Variants in CCDC73 observed in about 807,000 individuals in gnomAD.
The protein encoded by CCDC73 is coiled-coil domain-containing protein 73.
CCDC73 carries 95 observed loss-of-function variants against 116.5 expected under a neutral mutation model. The observed-to-expected ratio is 0.82, with a 90% CI of 0.69 to 0.97. The LOEUF (loss-of-function observed/expected upper bound fraction) is 0.97, where lower values mean the gene tolerates loss of function less well. Ranked by LOEUF, CCDC73 falls within the 50% of genes least tolerant of loss-of-function variation. The probability of loss-of-function intolerance (pLI) is 0.00; values close to 1 mark genes in which losing one functional copy is unlikely to be tolerated. For synonymous variants in CCDC73, 398 were observed against 401.3 expected, an observed-to-expected ratio of 0.99 and a Z score of 0.10; for missense variants, 1,066 against 1,206.8, an observed-to-expected ratio of 0.88 and a Z score of 1.73.
At chr11:32,818,497 A>G in the CCDC73 span, among the ~76,000 whole-genome samples, 6 of 152,226 alleles carry the variant, frequency 3.9e-5, no homozygotes, top group African/African-American at 1.4e-4. Context: ...AAAATGTTAC[A>G]TATTTCTCAA....
the CCDC73 span, among the ~76,000 whole-genome samples, chr11:32,815,465 G>A: frequency 1.1e-4 from 16 of 149,964 alleles, no homozygotes; most frequent in African/African-American, 2.7e-4. Flanking sequence ...CTCCCAAAGC[G>A]CTGGGATTTA....
Position 32,614,393 on chromosome 11 carries a change from C to G in CCDC73, c.1925G>C (p.Cys642Ser), listed in dbSNP as rs772666220. Residue 642 changes from cysteine (C) to serine (S), a missense_variant, in exon 16 of 18, where the codon TGT becomes TCT. Coordinates refer to ENST00000335185, the MANE Select transcript of CCDC73 (RefSeq NM_001008391.4). ...TGAATTCCGTAAACTATATTTCTGA[C>G]ATGGAACAGGATTTTTTTTTATATC... is the stretch of plus-strand genomic sequence containing the variant. Reference protein sequence around the residue: ...SLDIKKNPVPCQKYSLRNSSN... With the variant: ...SLDIKKNPVPSQKYSLRNSSN... 6.2e-7 allele frequency: 1 copy of G among 1,613,164 alleles called. No individual in the cohort carries two copies. The highest frequency in any genetic ancestry group is 1.1e-5 in the South Asian group (1 of 91,052).
intron 14 of CCDC73, among the ~76,000 whole-genome samples, chr11:32,631,776 G>T (rs1855633691): frequency 6.6e-6 from 1 of 152,216 alleles, no homozygotes; most frequent in Admixed American, 6.5e-5. Context: ...GATTGAGGCT[G>T]CAGTGAGGTG....
At chr11:32,754,695 C>A (rs916474772) in intron 2 of CCDC73, among the ~76,000 whole-genome samples, 9 of 152,148 alleles carry the variant, frequency 5.9e-5, no homozygotes, top group Admixed American at 2.6e-4. Flanking sequence ...TCAACAAAAT[C>A]TCTTTAAAAT....
At chr11:32,715,522 C>CG (rs1849937235) in intron 3 of CCDC73, among the ~76,000 whole-genome samples, 1 of 142,012 alleles carries the variant, frequency 7.0e-6, no homozygotes, top group Non-Finnish European at 1.6e-5. Flanking sequence ...ACACACACAC[C>CG]ACCAGAAACC....
At chr11:32,749,522 T>G (rs771943904) in intron 2 of CCDC73, among the ~76,000 whole-genome samples, 1 of 152,092 alleles carries the variant, frequency 6.6e-6, no homozygotes, top group Non-Finnish European at 1.5e-5. Context: ...CTGGTCCCTG[T>G]TGCCTTATTA....
At chr11:32,800,125 AGCT>A in the CCDC73 span, among the ~76,000 whole-genome samples, 30 of 152,190 alleles carry the variant, frequency 2.0e-4, no homozygotes, top group Non-Finnish European at 4.1e-4. Context: ...TTTTCACTCT[AGCT>A]TTTTACTTTG....
rs184128368 is a variant in CCDC73 at position 32,734,356 on chromosome 11, G to C, written c.136-16209C>G. On this transcript the variant is annotated intron_variant, in intron 2 of 17. Coordinates refer to ENST00000335185, the MANE Select transcript of CCDC73 (RefSeq NM_001008391.4). ...CTACCAGAGGTACAAAGAGGAGCTGGTACCATTCTTTCTGAAACTATTCCA... is the reference window on the plus strand; with the variant it reads ...CTACCAGAGGTACAAAGAGGAGCTGCTACCATTCTTTCTGAAACTATTCCA... Among the ~76,000 whole-genome samples, 1,082 of 151,796 alleles carry C rather than the reference G, an allele frequency of 7.1e-3. 17 individuals are homozygous for C. Among genetic ancestry groups the C allele is most frequent in the African/African-American group, 0.025 (1,043 of 41,398 alleles).
intron 14 of CCDC73, among the ~76,000 whole-genome samples, chr11:32,632,603 T>G (rs776610059): frequency 6.8e-6 from 1 of 147,920 alleles, no homozygotes; most frequent in Non-Finnish European, 1.5e-5. Context: ...CCTTACAGAT[T>G]GTGTGTGTGT....
At chr11:32,734,182 T>C (rs959366422) in intron 2 of CCDC73, among the ~76,000 whole-genome samples, 3 of 152,090 alleles carry the variant, frequency 2.0e-5, no homozygotes, top group African/African-American at 4.8e-5. Flanking sequence ...AAGAAATGGA[T>C]AAATTCCTGG....
chr11:32,648,080 G>A (rs1263518361), intron 12 of CCDC73, among the ~76,000 whole-genome samples: 1 of 152,148 alleles, frequency 6.6e-6, no homozygotes, highest in Non-Finnish European at 1.5e-5. Context: ...GAGGAGCACT[G>A]TCTACTTGGG....
intron 1 of CCDC73, among the ~76,000 whole-genome samples, chr11:32,776,944 T>A (rs1213742253): frequency 1.4e-3 from 38 of 27,722 alleles, no homozygotes; most frequent in African/African-American, 3.5e-3. Flanking sequence ...AAAATATATA[T>A]ATATATATAT....
chr11:32,696,178 C>G (rs558664710), intron 6 of CCDC73, among the ~76,000 whole-genome samples: 2 of 152,078 alleles, frequency 1.3e-5, no homozygotes, highest in Non-Finnish European at 2.9e-5. Flanking sequence ...TATTAACAAA[C>G]TTAATAACAT....
chr11:32,694,910 G>C (rs930192290), intron 6 of CCDC73, among the ~76,000 whole-genome samples: 1 of 152,192 alleles, frequency 6.6e-6, no homozygotes, highest in African/African-American at 2.4e-5. Flanking sequence ...GCCGCAGTGT[G>C]TCCAGAGGCT....
rs567406176 is a variant in CCDC73 at position 32,771,027 on chromosome 11, T to C, written c.-15-10769A>G. 6.6e-5 allele frequency among the ~76,000 whole-genome samples: 10 copies of C among 152,318 alleles called. No individual in the cohort carries two copies. The East Asian group carries it at 1.2e-3, about 18-fold the overall frequency. On this transcript the variant is annotated intron_variant, in intron 1 of 17. Coordinates refer to ENST00000335185, the MANE Select transcript of CCDC73 (RefSeq NM_001008391.4). Reference sequence around the variant, plus strand: ...TTATACAAGGATCTCAAGGGCGTTATCTTAGAGCATCCTGACATGCCCAAG... The same window carrying C: ...TTATACAAGGATCTCAAGGGCGTTACCTTAGAGCATCCTGACATGCCCAAG...
intron 6 of CCDC73, 29 bp from the exon 7 acceptor site, chr11:32,683,603 T>C: frequency 7.9e-7 from 1 of 1,273,878 alleles, no homozygotes; most frequent in Non-Finnish European, 1.1e-6. Flanking sequence ...AAAATCTCAT[T>C]AAAATACTTT....
At chr11:32,641,121 G>A (rs1309593870) in intron 13 of CCDC73, among the ~76,000 whole-genome samples, 1 of 152,056 alleles carries the variant, frequency 6.6e-6, no homozygotes, top group Middle Eastern at 3.2e-3. Context: ...ATAATCTACA[G>A]AAAATATTAT....
At chr11:32,651,430 G>A (rs1488049763) in intron 12 of CCDC73, among the ~76,000 whole-genome samples, 3 of 152,162 alleles carry the variant, frequency 2.0e-5, no homozygotes, top group African/African-American at 2.4e-5. Flanking sequence ...AAGAGTAAAG[G>A]TCAACAGTAG....
At chr11:32,786,137 T>C in intron 1 of CCDC73, among the ~76,000 whole-genome samples, 1 of 151,856 alleles carries the variant, frequency 6.6e-6, no homozygotes, top group East Asian at 1.9e-4. Flanking sequence ...TACAGAAATA[T>C]CTAAAAATGC....
Sources: gnomAD v4.1 joint callset for allele counts (sites outside exome capture counted in the v4.1 genomes callset) on GRCh38, gnomAD v4.1.1 for gene constraint, MANE v1.5 for transcripts, NCBI Gene and HGNC (gene_info 2026-07-23, HGNC 2026-07-21) for gene names.